The following CEP135 variants were observed in gnomAD, a reference collection of about 807,000 sequenced individuals.
The protein encoded by CEP135 is centrosomal protein 135, also known as centrosomal protein of 135 kDa.
A neutral mutation model predicts 157.3 loss-of-function variants in CEP135; 142 were observed. That is an observed-to-expected ratio of 0.90 (90% CI 0.79 to 1.04). CEP135 has a LOEUF of 1.04. CEP135 is among the 50% of genes least tolerant of loss of function. The probability of loss-of-function intolerance (pLI) is 0.00; values close to 1 mark genes in which losing one functional copy is unlikely to be tolerated. For synonymous variants in CEP135, 396 were observed against 439.8 expected (o/e 0.90, Z 1.25); for missense variants, 1,317 against 1,309.2 (o/e 1.01, Z -0.09).
Position 55,965,725 on chromosome 4 carries a change from G to A in CEP135, c.910G>A (p.Glu304Lys), listed in dbSNP as rs770981907. ...GGAAACCAAGGAAACAGTGACATCT[G>A]AAGTCGTTAATTTAAGTAACAAAAA... Reference protein sequence around the residue: ...LMETKETVTSEVVNLSNKNEK... With the variant: ...LMETKETVTSKVVNLSNKNEK... Residue 304 changes from glutamate to lysine, a missense_variant, in exon 8 of 26, where the codon GAA (glutamate) becomes AAA (lysine). Transcript: ENST00000257287. The A allele has an allele frequency of 6.2e-7, 1 of 1,613,748 alleles. No homozygotes were observed. Among genetic ancestry groups the A allele is most frequent in the African/African-American group, 1.3e-5 (1 of 74,896 alleles).
intron 13 of CEP135, among the ~76,000 whole-genome samples, chr4:55,982,327 T>C (rs1384708463): frequency 2.6e-5 from 4 of 152,234 alleles, no homozygotes; most frequent in Non-Finnish European, 5.9e-5. Flanking sequence ...CTCTTGGGTA[T>C]ATTCCTGGTC....
At chr4:55,973,332 C>T (rs1422924688) in intron 10 of CEP135, among the ~76,000 whole-genome samples, 2 of 152,180 alleles carry the variant, frequency 1.3e-5, no homozygotes, top group African/African-American at 4.8e-5. Context: ...CCATTCTCCA[C>T]GGGGGATATT....
intron 7 of CEP135, 48 bp from the exon 8 acceptor site, chr4:55,965,595 AG>A: frequency 8.1e-7 from 1 of 1,236,918 alleles, no homozygotes; most frequent in Non-Finnish European, 1.1e-6. Context: ...GTCAGTGTTT[AG>A]GATAATTTTC....
At chr4:56,027,101 T>C (rs1731181005) in intron 25 of CEP135, among the ~76,000 whole-genome samples, 1 of 152,240 alleles carries the variant, frequency 6.6e-6, no homozygotes, top group African/African-American at 2.4e-5. Context: ...TTTTTCTCTT[T>C]CACTTTGAGG....
chr4:55,983,598 TG>T (rs1383981156), intron 13 of CEP135, among the ~76,000 whole-genome samples: 1 of 152,002 alleles, frequency 6.6e-6, no homozygotes, highest in Non-Finnish European at 1.5e-5. Flanking sequence ...GCTTTTTACA[TG>T]GGTTGTCTCA....
At chr4:56,021,829 C>CGAGTTTGCCACG (rs1212423834) in intron 24 of CEP135, among the ~76,000 whole-genome samples, 1 of 152,158 alleles carries the variant, frequency 6.6e-6, no homozygotes, top group Non-Finnish European at 1.5e-5. Context: ...AGTTTGAAAT[C>CGAGTTTGCCACG]AGCGTGAGCA....
chr4:56,005,903 A>C (rs1730332696), intron 17 of CEP135, among the ~76,000 whole-genome samples: 1 of 152,166 alleles, frequency 6.6e-6, no homozygotes, highest in Non-Finnish European at 1.5e-5. Context: ...GTACTTTGAA[A>C]ATGATAGTCT....
intron 21 of CEP135, among the ~76,000 whole-genome samples, chr4:56,014,429 C>A (rs954693660): frequency 4.6e-5 from 7 of 152,176 alleles, no homozygotes; most frequent in African/African-American, 1.7e-4. Context: ...AAGAAAACTT[C>A]TATTATTTAC....
intron 17 of CEP135, among the ~76,000 whole-genome samples, chr4:56,000,063 C>T (rs915887489): frequency 1.3e-5 from 2 of 151,938 alleles, no homozygotes; most frequent in African/African-American, 4.8e-5. Context: ...TGGTGGTGTG[C>T]ACCTGTGGTC....
At chr4:55,975,551 A>ATG (rs1291351139) in intron 11 of CEP135, among the ~76,000 whole-genome samples, 1 of 152,240 alleles carries the variant, frequency 6.6e-6, no homozygotes, top group Non-Finnish European at 1.5e-5. Flanking sequence ...GCATCTCCCA[A>ATG]TGTGTGTATT....
chr4:56,004,468 A>G (rs900596803), intron 17 of CEP135, among the ~76,000 whole-genome samples: 1 of 152,166 alleles, frequency 6.6e-6, no homozygotes, highest in Non-Finnish European at 1.5e-5. Context: ...TGTTGATTTT[A>G]TGTCAACATG....
At chr4:56,030,463 G>A (rs995717843) in intron 25 of CEP135, among the ~76,000 whole-genome samples, 6 of 152,006 alleles carry the variant, frequency 3.9e-5, no homozygotes, top group African/African-American at 1.2e-4. Context: ...TTTTGTTTTA[G>A]AGACAAGGTC....
intron 1 of CEP135, among the ~76,000 whole-genome samples, chr4:55,949,848 C>T (rs946499466): frequency 1.3e-5 from 2 of 152,132 alleles, no homozygotes; most frequent in African/African-American, 2.4e-5. Context: ...GATTTTAATC[C>T]GTCCTGTGTA....
Position 56,019,475 on chromosome 4 carries a change from T to C in CEP135, c.3135T>C (p.Phe1045=). Residue 1045 remains phenylalanine (F), a synonymous_variant, in exon 23 of 26, where the codon TTT becomes TTC. Transcript: ENST00000257287. Reference sequence around the variant, plus strand: ...TGGCTACAAACAGAGATAAAGAATTTCATTCTCACTTAACCTCCCACGAGA... The same window carrying C: ...TGGCTACAAACAGAGATAAAGAATTCCATTCTCACTTAACCTCCCACGAGA... ...SLLATNRDKE[F]HSHLTSHEKD... 1 of 1,614,052 alleles carries C rather than the reference T, an allele frequency of 6.2e-7. No individual in the cohort carries two copies. Among genetic ancestry groups the C allele is most frequent in the Non-Finnish European group, 8.5e-7 (1 of 1,179,964 alleles).
chr4:55,965,947 G>A (rs1364870864), intron 8 of CEP135, 88 bp downstream of exon 8: 3 of 1,143,308 alleles, frequency 2.6e-6, no homozygotes, highest in South Asian at 1.5e-5. Flanking sequence ...TCTGCATTCA[G>A]GTTTTTGGTT....
At chr4:55,971,014 A>G (rs926372213) in intron 9 of CEP135, among the ~76,000 whole-genome samples, 2 of 152,180 alleles carry the variant, frequency 1.3e-5, no homozygotes, top group Non-Finnish European at 2.9e-5. Context: ...CATTTAGAAA[A>G]AAATAAGACA....
At chr4:55,970,488 C>T (rs1303142145) in intron 9 of CEP135, among the ~76,000 whole-genome samples, 5 of 152,120 alleles carry the variant, frequency 3.3e-5, no homozygotes, top group Non-Finnish European at 7.4e-5. Flanking sequence ...ACTTTTTATA[C>T]AGTCTAGCTG....
At chr4:55,956,850 G>A (rs1417634090) in intron 4 of CEP135, among the ~76,000 whole-genome samples, 1 of 152,128 alleles carries the variant, frequency 6.6e-6, no homozygotes, top group East Asian at 1.9e-4. Flanking sequence ...CCAACCTCAG[G>A]TGATCCACCC....
At chr4:55,996,614 C>A (rs1288674434) in intron 15 of CEP135, among the ~76,000 whole-genome samples, 1 of 151,924 alleles carries the variant, frequency 6.6e-6, no homozygotes, top group Non-Finnish European at 1.5e-5. Context: ...TCTGGCTGAT[C>A]AAGAGATGAT....
Sources: gnomAD v4.1 joint callset for allele counts (sites outside exome capture counted in the v4.1 genomes callset) on GRCh38, gnomAD v4.1.1 for gene constraint, MANE v1.5 for transcripts, NCBI Gene and HGNC (gene_info 2026-07-23, HGNC 2026-07-21) for gene names.